The following MLLT10 variants were observed in gnomAD, a reference collection of about 807,000 sequenced individuals.
MLLT10 encodes MLLT10 histone lysine methyltransferase DOT1L cofactor.
In MLLT10, 30 loss-of-function variants were observed where a neutral mutation model predicts 129.1. The ratio of observed to expected loss-of-function variants is 0.23; its 90% CI spans 0.17 to 0.32. The LOEUF is 0.32. Ranked by LOEUF, MLLT10 falls within the 10% of genes least tolerant of loss-of-function variation. MLLT10 has a pLI of 1.00. For missense variants in MLLT10, 1,119 were observed against 1,268.3 expected, an observed-to-expected ratio of 0.88 and a Z score of 1.79; for synonymous variants, 490 against 446.4, an observed-to-expected ratio of 1.10 and a Z score of -1.23.
At chr10:21,584,627 A>C (rs1435569572) in intron 3 of MLLT10, among the ~76,000 whole-genome samples, 15 of 151,832 alleles carry the variant, frequency 9.9e-5, no homozygotes, top group Non-Finnish European at 1.9e-4. Context: ...TTAGGCTTTT[A>C]TGGCTTATGC....
At chr10:21,645,764 ACT>A (rs1765235802) in intron 8 of MLLT10, among the ~76,000 whole-genome samples, 3 of 152,066 alleles carry the variant, frequency 2.0e-5, no homozygotes, top group African/African-American at 7.2e-5. Flanking sequence ...ACTCTTCAAA[ACT>A]CTGAATTCCT....
chr10:21,644,594 G>T (rs112402414), intron 8 of MLLT10, among the ~76,000 whole-genome samples: 2,329 of 152,062 alleles, frequency 0.015, 30 homozygotes, highest in Non-Finnish European at 0.022. Context: ...GTGTTTGGGT[G>T]TATTTTAGTC....
chr10:21,608,993 G>T (rs2044333087), intron 5 of MLLT10, among the ~76,000 whole-genome samples: 2 of 152,070 alleles, frequency 1.3e-5, no homozygotes, highest in Admixed American at 1.3e-4. Context: ...TCTTCTCCCT[G>T]TGTGTCTTAC....
intron 3 of MLLT10, chr10:21,557,300 C>G: frequency 1.9e-6 from 1 of 522,114 alleles, no homozygotes; most frequent in Non-Finnish European, 2.6e-6. Flanking sequence ...ATCATGGACA[C>G]TGTCCATTTT....
chr10:21,580,871 T>A (rs2041358404), intron 3 of MLLT10, among the ~76,000 whole-genome samples: 6 of 146 alleles, frequency 0.041, 1 homozygote, highest in Admixed American at 0.2. Context: ...CCAGCTCATT[T>A]TTTTTTTTTT....
intron 14 of MLLT10, among the ~76,000 whole-genome samples, chr10:21,722,025 A>G (rs1324089143): frequency 6.6e-6 from 1 of 151,870 alleles, no homozygotes; most frequent in African/African-American, 2.4e-5. Context: ...ACATCCATAT[A>G]TGTATATATA....
At chr10:21,638,671 G>A (rs771551327) in intron 8 of MLLT10, among the ~76,000 whole-genome samples, 1 of 152,216 alleles carries the variant, frequency 6.6e-6, no homozygotes, top group African/African-American at 2.4e-5. Flanking sequence ...AAAATAAATC[G>A]TGTCTTTTCC....
intron 3 of MLLT10, among the ~76,000 whole-genome samples, chr10:21,547,041 T>C (rs2036198149): frequency 6.6e-6 from 1 of 151,994 alleles, no homozygotes; most frequent in African/African-American, 2.4e-5. Flanking sequence ...GGCTAATTTT[T>C]GTATTTTTAG....
chr10:21,602,975 A>G (rs1364469385), intron 5 of MLLT10, among the ~76,000 whole-genome samples: 1 of 151,518 alleles, frequency 6.6e-6, no homozygotes, highest in Non-Finnish European at 1.5e-5. Context: ...CTGGTGATCC[A>G]CCTGCCTCGG....
chr10:21,605,079 A>G (rs1194597498), intron 5 of MLLT10, among the ~76,000 whole-genome samples: 1 of 148,210 alleles, frequency 6.7e-6, no homozygotes, highest in Admixed American at 6.8e-5. Context: ...GTGAGACCCC[A>G]TCTCTTTAAA....
intron 14 of MLLT10, among the ~76,000 whole-genome samples, chr10:21,721,440 A>T (rs1170572030): frequency 1.3e-5 from 2 of 152,174 alleles, no homozygotes; most frequent in Non-Finnish European, 2.9e-5. Context: ...TTAATTGAGG[A>T]CACTTGAACC....
chr10:21,566,997 G>C (rs892131256), intron 3 of MLLT10, among the ~76,000 whole-genome samples: 3 of 151,922 alleles, frequency 2.0e-5, no homozygotes, highest in African/African-American at 7.3e-5. Context: ...ATTTTTAGTA[G>C]AGACGGAGTT....
At chr10:21,693,168 T>G (rs2054037823) in intron 13 of MLLT10, among the ~76,000 whole-genome samples, 1 of 152,190 alleles carries the variant, frequency 6.6e-6, no homozygotes, top group South Asian at 2.1e-4. Context: ...GCTTAGTGTT[T>G]ATAGAGAAAA....
chr10:21,644,629 A>G (rs546520973), intron 8 of MLLT10, among the ~76,000 whole-genome samples: 70 of 152,028 alleles, frequency 4.6e-4, no homozygotes, highest in African/African-American at 1.6e-3. Context: ...CTAGGATTCT[A>G]TTTTATTTTT....
At chr10:21,624,089 C>T (rs2046179135) in intron 8 of MLLT10, among the ~76,000 whole-genome samples, 1 of 152,100 alleles carries the variant, frequency 6.6e-6, no homozygotes, top group Admixed American at 6.6e-5. Flanking sequence ...TTTAAAAACA[C>T]AGTTAACCTA....
intron 10 of MLLT10, among the ~76,000 whole-genome samples, chr10:21,671,902 G>A (rs1464384079): frequency 6.6e-6 from 1 of 152,026 alleles, no homozygotes; most frequent in African/African-American, 2.4e-5. Flanking sequence ...ACAGTGAGCC[G>A]TGATTGTGCC....
At position 21,673,718 on chromosome 10, in the gene MLLT10, A is replaced by T; in HGVS notation, c.1420A>T (p.Ser474Cys). The T allele has an allele frequency of 6.2e-7, 1 of 1,614,166 alleles. No homozygotes were observed. The highest frequency in any genetic ancestry group is 8.5e-7 in the Non-Finnish European group (1 of 1,180,034). Reference protein sequence around the residue: ...KEKKRKGNKQSKHGPGRPKGN... With the variant: ...KEKKRKGNKQCKHGPGRPKGN... The stretch of plus-strand genomic sequence containing the variant: ...AAAGAAAAGGAAAGGAAATAAACAA[A>T]GTAAGCATGGGCCTGGCAGACCCAA... The change falls in exon 11 of 23, where the codon AGT becomes TGT. Residue 474 changes from serine to cysteine, a missense_variant. By Grantham distance (112) the Ser-to-Cys change is moderately radical. Transcript: ENST00000307729.
intron 8 of MLLT10, among the ~76,000 whole-genome samples, chr10:21,619,927 T>A (rs2131221902): frequency 6.6e-6 from 1 of 151,680 alleles, no homozygotes; most frequent in East Asian, 1.9e-4. Context: ...TTTTTTCTTT[T>A]TCTTTTCTTT....
intron 9 of MLLT10, among the ~76,000 whole-genome samples, chr10:21,662,808 G>A (rs1259228672): frequency 2.6e-5 from 4 of 152,284 alleles, no homozygotes; most frequent in South Asian, 2.1e-4. Flanking sequence ...TTTAGTTAAC[G>A]TGCTAGTGAA....
Sources: gnomAD v4.1 joint callset for allele counts (sites outside exome capture counted in the v4.1 genomes callset) on GRCh38, gnomAD v4.1.1 for gene constraint, MANE v1.5 for transcripts, NCBI Gene and HGNC (gene_info 2026-07-23, HGNC 2026-07-21) for gene names.